Variants in NOL8 observed in about 807,000 individuals in gnomAD.
NOL8 encodes the protein nucleolar protein 8.
NOL8 carries 93 observed loss-of-function variants against 116.1 expected under a neutral mutation model. That is an observed-to-expected ratio of 0.80 (90% CI 0.68 to 0.95). The LOEUF (loss-of-function observed/expected upper bound fraction) is 0.95. Ranked by LOEUF, NOL8 falls within the 40% of genes least tolerant of loss-of-function variation. NOL8 has a pLI of 0.00. For missense variants in NOL8, 1,291 were observed against 1,382.8 expected (o/e 0.93, Z 1.05); for synonymous variants, 419 against 469.0 (o/e 0.89, Z 1.38).
intron 15 of NOL8, 57 bp downstream of exon 15, chr9:92,298,827 T>C (rs1837469457): frequency 1.0e-6 from 1 of 995,134 alleles, no homozygotes; most frequent in Non-Finnish European, 1.5e-6. Context: ...TGTGAATTAC[T>C]GTAGCTGTAT....
intron 8 of NOL8, 135 bp from the exon 9 acceptor site, chr9:92,310,810 G>C (rs560066686): frequency 2.1e-6 from 2 of 941,268 alleles, no homozygotes; most frequent in Middle Eastern, 2.2e-4. Flanking sequence ...GGCAGGTCAG[G>C]TGGAAATTCC....
chr9:92,306,506 C>T (rs1438967868), intron 11 of NOL8, among the ~76,000 whole-genome samples: 1 of 152,076 alleles, frequency 6.6e-6, no homozygotes, highest in Admixed American at 6.5e-5. Flanking sequence ...TGATGGTGTA[C>T]AGGGCTTTCA....
Position 92,310,636 on chromosome 9 carries a change from T to C in NOL8, c.2512A>G (p.Ser838Gly). The change falls in exon 9 of 17, where the codon AGT becomes GGT. Residue 838 changes from serine to glycine, a missense_variant. Coordinates refer to ENST00000442668, the MANE Select transcript of NOL8 (RefSeq NM_017948.6). ...TCAGAATCAGATTCGTCATCATCAC[T>C]GCTATCAAACAGCTTCCCTGATGTT... Reference protein sequence around the residue: ...GKTSGKLFDSSDDDESDSEDD... With the variant: ...GKTSGKLFDSGDDDESDSEDD... 6.2e-7 allele frequency: 1 copy of C among 1,612,632 alleles called. No homozygotes were observed. The highest frequency in any genetic ancestry group is 8.5e-7 in the Non-Finnish European group (1 of 1,179,394).
Position 92,318,657 on chromosome 9 carries a change from G to C in NOL8, c.447C>G (p.Val149=), listed in dbSNP as rs2130727811. 5 of 1,601,030 alleles carry C rather than the reference G, an allele frequency of 3.1e-6. No individual in the cohort carries two copies. Among genetic ancestry groups the C allele is most frequent in the Non-Finnish European group, 3.4e-6 (4 of 1,176,404 alleles). The stretch of plus-strand genomic sequence containing the variant: ...GATTTTTAAGGTGAAGAACAGGTAA[G>C]ACTCTTCCAAATTTGCTCACAACCC... The part of the protein sequence containing the change: ...KNWVVSKFGR[V]LPVLHLKNQH... The change falls in exon 6 of 17, where the codon GTC becomes GTG. Residue 149 remains valine, a synonymous_variant. Coordinates refer to ENST00000442668, the MANE Select transcript of NOL8 (RefSeq NM_017948.6).
At chr9:92,305,452 A>G (rs1838148722) in intron 12 of NOL8, among the ~76,000 whole-genome samples, 1 of 152,222 alleles carries the variant, frequency 6.6e-6, no homozygotes, top group South Asian at 2.1e-4. Context: ...ATTTTAAGTA[A>G]CTAAGTTTGT....
chr9:92,310,433 C>G, intron 9 of NOL8, 120 bp downstream of exon 9: 2 of 1,279,756 alleles, frequency 1.6e-6, no homozygotes, highest in Non-Finnish European at 2.2e-6. Flanking sequence ...ACTCACTCTC[C>G]AAATAAACAC....
At chr9:92,324,373 C>G (rs959707989) in intron 1 of NOL8, 164 bp from the exon 2 acceptor site, 5 of 535,308 alleles carry the variant, frequency 9.3e-6, no homozygotes, top group Non-Finnish European at 1.6e-5. Flanking sequence ...AGCCCTACAT[C>G]CACATCTTTC....
chr9:92,310,520 C>A, intron 9 of NOL8, 33 bp downstream of exon 9: 1 of 1,572,350 alleles, frequency 6.4e-7, no homozygotes, highest in Non-Finnish European at 8.6e-7. Context: ...TAAGGACATG[C>A]TGCAAGTCTA....
chr9:92,323,855 T>G (rs1157863378), intron 2 of NOL8, among the ~76,000 whole-genome samples, 168 bp downstream of exon 2: 1 of 152,244 alleles, frequency 6.6e-6, no homozygotes, highest in East Asian at 1.9e-4. Flanking sequence ...TTTTTCTTAT[T>G]TCAGAAACAA....
Position 92,311,240 on chromosome 9 carries a change from T to G in NOL8, c.2378A>C (p.Lys793Thr). Reference sequence around the variant, plus strand: ...AGAACCGAAGATGATGTGCGTTGGCTTATCCTCTGGATGACCATCCTAGGG... The same window carrying G: ...AGAACCGAAGATGATGTGCGTTGGCGTATCCTCTGGATGACCATCCTAGGG... ...LANLDGHPED[K>T]PTHIIFGSDS... Residue 793 changes from lysine to threonine, a missense_variant, in exon 8 of 17, where the codon AAG becomes ACG. Physicochemically the swap from Lys to Thr is moderately conservative, Grantham distance 78 (BLOSUM62 -1). Coordinates refer to ENST00000442668, the MANE Select transcript of NOL8 (RefSeq NM_017948.6). 1 of 1,613,544 alleles carries G rather than the reference T, an allele frequency of 6.2e-7. No individual in the cohort carries two copies. The highest frequency in any genetic ancestry group is 8.5e-7 in the Non-Finnish European group (1 of 1,179,536).
chr9:92,319,975 C>T, intron 4 of NOL8: 1 of 433,840 alleles, frequency 2.3e-6, no homozygotes, highest in Non-Finnish European at 4.6e-6. Context: ...TCCCAGTTCC[C>T]CTTTATGGAA....
intron 6 of NOL8, among the ~76,000 whole-genome samples, chr9:92,317,118 T>C (rs2130720855): frequency 6.6e-6 from 1 of 152,152 alleles, no homozygotes; most frequent in South Asian, 2.1e-4. Flanking sequence ...GGGCCCAGCC[T>C]GATTTTTCTT....
intron 13 of NOL8, chr9:92,300,933 C>T (rs1394980308): frequency 3.3e-6 from 3 of 905,578 alleles, no homozygotes; most frequent in Non-Finnish European, 4.0e-6. Context: ...TAGGTATTAC[C>T]TGCTTTTACA....
chr9:92,299,789 A>G, intron 14 of NOL8, 101 bp downstream of exon 14: 1 of 1,250,960 alleles, frequency 8.0e-7, no homozygotes, highest in Non-Finnish European at 1.1e-6. Flanking sequence ...AGCTAAGACA[A>G]TTTAGTTGTC....
At chr9:92,324,471 A>T in intron 1 of NOL8, 1 of 221,932 alleles carries the variant, frequency 4.5e-6, no homozygotes, top group South Asian at 1.5e-4. Flanking sequence ...ATAATATTAC[A>T]CTCTATCCCT....
At chr9:92,312,848 A>G (rs13285610) in intron 7 of NOL8, among the ~76,000 whole-genome samples, 12 of 145,980 alleles carry the variant, frequency 8.2e-5, no homozygotes, top group African/African-American at 1.2e-4. Flanking sequence ...AAAAAAAAAA[A>G]GAAAAGAAAA....
At chr9:92,303,062 G>A (rs1837888036) in intron 12 of NOL8, among the ~76,000 whole-genome samples, 1 of 152,158 alleles carries the variant, frequency 6.6e-6, no homozygotes, top group African/African-American at 2.4e-5. Context: ...AGTGTTAAAG[G>A]TATATTCTGG....
At position 92,324,172 on chromosome 9, in the gene NOL8, C is replaced by CAT. The variant is rs754133910; in HGVS notation, c.-13_-12dup. 3.1e-6 allele frequency: 5 copies of CAT among 1,611,858 alleles called. No homozygotes were observed. The Admixed American group carries it at 8.4e-5, about 27-fold the overall frequency. On this transcript the variant is annotated 5_prime_UTR_variant, in exon 2 of 17. The change creates a new upstream start codon in the 5' untranslated region. Transcript: ENST00000442668. ...TCTGTTCACTTTCATGAAGGCTGGG[C>CAT]ATATACTTGGGTGTGTTTCAGTGGG... is the stretch of plus-strand genomic sequence containing the variant.
Position 92,310,276 on chromosome 9 carries a change from A to T in NOL8, c.2596-15T>A. ...AAATCCATGAGCTACACAGACAGAA[A>T]ACATACATAATTGATAGCCACATTC... On this transcript the variant is annotated splice_polypyrimidine_tract_variant and intron_variant, in intron 9 of 16. Coordinates refer to ENST00000442668, the MANE Select transcript of NOL8 (RefSeq NM_017948.6). 1 of 1,592,422 alleles carries T rather than the reference A, an allele frequency of 6.3e-7. No homozygotes were observed. The highest frequency in any genetic ancestry group is 8.6e-7 in the Non-Finnish European group (1 of 1,168,006).
Sources: gnomAD v4.1 joint callset for allele counts (sites outside exome capture counted in the v4.1 genomes callset) on GRCh38, gnomAD v4.1.1 for gene constraint, MANE v1.5 for transcripts, NCBI Gene and HGNC (gene_info 2026-07-23, HGNC 2026-07-21) for gene names.